Variants in PRTG observed in about 807,000 individuals in gnomAD.
PRTG encodes immunoglobulin superfamily, DCC subclass, member 5.
In PRTG, 67 loss-of-function variants were observed where a neutral mutation model predicts 122.5. The ratio of observed to expected loss-of-function variants is 0.55; its 90% CI spans 0.45 to 0.67. The LOEUF is 0.67. PRTG is among the 30% of genes least tolerant of loss of function. PRTG has a pLI of 0.00. For missense variants in PRTG, 1,435 were observed against 1,415.4 expected, an observed-to-expected ratio of 1.01 and a Z score of -0.22; for synonymous variants, 554 against 501.1, an observed-to-expected ratio of 1.11 and a Z score of -1.41.
At position 55,682,380 on chromosome 15, in the gene PRTG, C is replaced by T. The variant is rs747042969; in HGVS notation, c.660G>A (p.Ser220=). ...VAHRRKSMEA[S]LTVIPAKESK... is the part of the protein sequence containing the mutation. ...GCGTGGTACCTGGAATCACAGTTAG[C>T]GAGGCCTCCATACTTTTACGTCGGT... Residue 220 remains serine, a synonymous_variant, in exon 4 of 20, where the codon TCG becomes TCA. Coordinates refer to ENST00000389286, the MANE Select transcript of PRTG (RefSeq NM_173814.6). The T allele has an allele frequency of 6.3e-6, 10 of 1,597,830 alleles. No homozygotes were observed. The highest frequency in any genetic ancestry group is 4.5e-5 in the South Asian group (4 of 88,946).
At chr15:55,714,436 GT>G (rs1363717255) in intron 2 of PRTG, among the ~76,000 whole-genome samples, 2 of 151,272 alleles carry the variant, frequency 1.3e-5, no homozygotes, top group African/African-American at 4.9e-5. Flanking sequence ...TCACTATGTT[GT>G]TCAGGCTGAT....
Position 55,613,616 on chromosome 15 carries a change from A to G in PRTG, c.*6396T>C, listed in dbSNP as rs1248169838. 6.6e-6 allele frequency: 1 copy of G among 152,058 alleles called. No homozygotes were observed. The highest frequency in any genetic ancestry group is 1.5e-5 in the Non-Finnish European group (1 of 67,968). The allele number at this position is 152,058 out of a possible 1,614,324, so 9.4% of individuals were successfully genotyped here. On this transcript the variant is annotated 3_prime_UTR_variant, in exon 20 of 20. Coordinates refer to ENST00000389286, the MANE Select transcript of PRTG (RefSeq NM_173814.6). ...CCCTCCTGTGAATAAGTGGATTTAA[A>G]TAAGGTAGTCTTCTCTTTTTCGATT...
At chr15:55,705,304 GT>G (rs1378534013) in intron 2 of PRTG, among the ~76,000 whole-genome samples, 1 of 152,078 alleles carries the variant, frequency 6.6e-6, no homozygotes, top group Non-Finnish European at 1.5e-5. Context: ...AAAAGAACAG[GT>G]AATGTCCTTT....
chr15:55,689,268 A>C (rs1459171385), intron 2 of PRTG, among the ~76,000 whole-genome samples: 3 of 152,232 alleles, frequency 2.0e-5, no homozygotes, highest in Non-Finnish European at 4.4e-5. Flanking sequence ...TGTGATTCTA[A>C]TTGTAAATGC....
chr15:55,712,974 T>G (rs1415297180), intron 2 of PRTG, among the ~76,000 whole-genome samples: 1 of 152,202 alleles, frequency 6.6e-6, no homozygotes, highest in African/African-American at 2.4e-5. Flanking sequence ...ATGAGTAGTA[T>G]AACACTTTAT....
chr15:55,620,579 G>T, intron 19 of PRTG, 84 bp downstream of exon 19: 1 of 1,490,750 alleles, frequency 6.7e-7, no homozygotes, highest in Non-Finnish European at 8.9e-7. Context: ...TTAAAATAAA[G>T]CATGAATTCA....
intron 2 of PRTG, among the ~76,000 whole-genome samples, chr15:55,724,694 G>A (rs1389555216): frequency 2.0e-5 from 3 of 152,116 alleles, no homozygotes; most frequent in Non-Finnish European, 4.4e-5. Flanking sequence ...GAAGGCAGAG[G>A]TTGCGGTGAG....
intron 15 of PRTG, among the ~76,000 whole-genome samples, chr15:55,629,888 G>C (rs902775061): frequency 6.7e-6 from 1 of 150,372 alleles, no homozygotes; most frequent in African/African-American, 2.5e-5. Flanking sequence ...CATGATCATG[G>C]CTCACTATAA....
chr15:55,629,576 G>C (rs1372477893), intron 15 of PRTG, among the ~76,000 whole-genome samples: 1 of 151,966 alleles, frequency 6.6e-6, no homozygotes, highest in Non-Finnish European at 1.5e-5. Flanking sequence ...TAGAGACAGG[G>C]TCTTGCTACA....
In PRTG at chr15:55,672,762, C is replaced by T. The variant is rs2059480176; in HGVS notation, c.1853-129G>A. ...GTTCAATCCAAAAATTATACTATAA[C>T]CTAACTTTCCAAATTTCACAATAAT... On this transcript the variant is annotated intron_variant, in intron 10 of 19. Transcript: ENST00000389286. The T allele has an allele frequency of 1.1e-5, 6 of 568,312 alleles. No homozygotes were observed. In the South Asian group the frequency reaches 1.6e-4, roughly 15 times the overall value. The allele number at this position is 568,312 out of a possible 1,614,324, so 35.2% of individuals were successfully genotyped here.
chr15:55,708,513 C>T (rs1186413022), intron 2 of PRTG, among the ~76,000 whole-genome samples: 2 of 152,024 alleles, frequency 1.3e-5, no homozygotes, highest in Non-Finnish European at 2.9e-5. Context: ...GAGGCTGAGG[C>T]AGGAGAATCG....
At chr15:55,693,255 G>A (rs1030904629) in intron 2 of PRTG, among the ~76,000 whole-genome samples, 7 of 152,078 alleles carry the variant, frequency 4.6e-5, no homozygotes, top group African/African-American at 1.4e-4. Flanking sequence ...TCGGGTGGTC[G>A]GGACTGGCCT....
At chr15:55,664,387 C>T (rs974898636) in intron 11 of PRTG, among the ~76,000 whole-genome samples, 20 of 152,168 alleles carry the variant, frequency 1.3e-4, no homozygotes, top group African/African-American at 4.1e-4. Context: ...AGGTGATCCA[C>T]CCGCCTCGAT....
chr15:55,679,198 G>A (rs756996824), intron 7 of PRTG, 88 bp downstream of exon 7: 4 of 773,102 alleles, frequency 5.2e-6, no homozygotes, highest in African/African-American at 1.8e-5. Flanking sequence ...GATAATTTAG[G>A]TATTTGATAT....
intron 11 of PRTG, among the ~76,000 whole-genome samples, chr15:55,645,944 T>G (rs1242075234): frequency 6.6e-6 from 1 of 152,130 alleles, no homozygotes; most frequent in Non-Finnish European, 1.5e-5. Context: ...CAGGGAGAAG[T>G]TGGTTCTAGT....
chr15:55,694,849 A>G (rs1185862974), intron 2 of PRTG, among the ~76,000 whole-genome samples: 2 of 152,196 alleles, frequency 1.3e-5, no homozygotes, highest in African/African-American at 2.4e-5. Flanking sequence ...CCAGTTAGGT[A>G]TGATTTTACA....
chr15:55,646,375 T>G (rs1344103129), intron 11 of PRTG, among the ~76,000 whole-genome samples: 1 of 149,564 alleles, frequency 6.7e-6, no homozygotes, highest in Non-Finnish European at 1.5e-5. Context: ...CAGGATGGAG[T>G]GCAGTGGCAC....
chr15:55,739,177 C>T (rs1345563485), intron 2 of PRTG, among the ~76,000 whole-genome samples: 2 of 151,976 alleles, frequency 1.3e-5, no homozygotes, highest in Non-Finnish European at 2.9e-5. Flanking sequence ...AGTAAAGTCA[C>T]CTAGGAAATT....
intron 2 of PRTG, among the ~76,000 whole-genome samples, chr15:55,692,518 T>C (rs2059609450): frequency 1.3e-5 from 2 of 152,190 alleles, no homozygotes; most frequent in South Asian, 2.1e-4. Context: ...AGAGATCAGA[T>C]GGTCTGCTGA....
Sources: allele counts gnomAD v4.1 joint callset (sites outside exome capture counted in the v4.1 genomes callset), GRCh38; gene constraint gnomAD v4.1.1; transcripts MANE v1.5; gene names NCBI Gene and HGNC (gene_info 2026-07-23, HGNC 2026-07-21).